PLXNB3: variants seen among roughly 807,000 people sequenced by gnomAD.
PLXNB3 encodes the protein plexin B3.
PLXNB3 carries 80 observed loss-of-function variants against 125.7 expected under a neutral mutation model. The ratio of observed to expected loss-of-function variants is 0.64; its 90% CI spans 0.53 to 0.77. PLXNB3 has a LOEUF of 0.77. Ranked by LOEUF, PLXNB3 falls within the 30% of genes least tolerant of loss-of-function variation. The pLI, the probability that PLXNB3 is intolerant of heterozygous loss-of-function variation, is 0.00. For missense variants in PLXNB3, 1,836 were observed against 1,729.3 expected, an observed-to-expected ratio of 1.06 and a Z score of -1.09; for synonymous variants, 954 against 783.3, an observed-to-expected ratio of 1.22 and a Z score of -3.64.
At chrX:153,764,387 G>A (rs2091834932) in intron 1 of PLXNB3, 83 bp downstream of exon 1, 2 of 113,113 alleles carry the variant, frequency 1.8e-5, no homozygotes, top group African/African-American at 3.2e-5. Flanking sequence ...AGGGTCTCAG[G>A]GCCAACTGGC....
At position 153,767,553 on chromosome X, in the gene PLXNB3, C is replaced by A; in HGVS notation, c.726C>A (p.Arg242=). Residue 242 remains arginine, a synonymous_variant, in exon 3 of 36, where the codon CGC becomes CGA. Transcript: ENST00000361971. ...NSYVGAFADA[R]SAYFVFRRRG... is the part of the protein sequence containing the mutation. ...ACGTCGGGGCCTTTGCCGACGCCCG[C>A]TCCGCCTACTTCGTGTTCCGCCGCC... The A allele has an allele frequency of 8.5e-7, 1 of 1,175,387 alleles. No homozygotes were observed. The highest frequency in any genetic ancestry group is 1.1e-6 in the Non-Finnish European group (1 of 877,531).
At chrX:153,772,342 G>T in intron 16 of PLXNB3, 55 bp downstream of exon 16, 1 of 895,024 alleles carries the variant, frequency 1.1e-6, no homozygotes, top group Non-Finnish European at 1.6e-6. Context: ...GGAGGGCCAG[G>T]AAGGACAGGC....
chrX:153,766,849 G>A (rs1168833115), intron 2 of PLXNB3, 24 bp from the exon 3 acceptor site: 18 of 1,168,070 alleles, frequency 1.5e-5, no homozygotes, highest in Non-Finnish European at 1.9e-5. Flanking sequence ...CGCTCCCACT[G>A]CCCTGACCTG....
rs2091929718 is a variant in PLXNB3 at position 153,771,490 on chromosome X, C to A, written c.2352C>A (p.Ile784=). Residue 784 remains isoleucine, a synonymous_variant, in exon 14 of 36, where the codon ATC becomes ATA. Transcript: ENST00000361971. ...RLDNTHALYV[I]LYDCAMGHPD... is the part of the protein sequence containing the mutation. ...ACACTGCCTGACCCTCCCTAGTGAT[C>A]CTGTACGACTGCGCCATGGGCCACC... 6.6e-6 allele frequency: 8 copies of A among 1,204,680 alleles called. No individual in the cohort carries two copies. The highest frequency in any genetic ancestry group is 9.0e-6 in the Non-Finnish European group (8 of 891,277).
Position 153,772,985 on chromosome X carries a change from A to G in PLXNB3, c.2875A>G (p.Ser959Gly). 8.4e-7 allele frequency: 1 copy of G among 1,196,951 alleles called. No homozygotes were observed. Among genetic ancestry groups the G allele is most frequent in the Non-Finnish European group, 1.1e-6 (1 of 889,736 alleles). Residue 959 changes from serine to glycine, a missense_variant, in exon 17 of 36, where the codon AGT (serine) becomes GGT (glycine). Physicochemically the swap from Ser to Gly is moderately conservative, Grantham distance 56. Coordinates refer to ENST00000361971, the MANE Select transcript of PLXNB3 (RefSeq NM_005393.3). ...GQHLQTGGNT[S>G]AFVGGQPCPI... ...GCACCTCCAGACAGGTGGCAACACCAGTGCCTTCGTGGGTGGCCAACCCTG... is the reference window on the plus strand; with the variant it reads ...GCACCTCCAGACAGGTGGCAACACCGGTGCCTTCGTGGGTGGCCAACCCTG...
Position 153,768,872 on chromosome X carries a change from C to A in PLXNB3, c.1267-76C>A. ...AACTGGCTCTAAAAAGGAGCCCCCA[C>A]TAGGAGGAGGGCGTGTCCCTGGAAC... On this transcript the variant is annotated intron_variant, in intron 4 of 35. Coordinates refer to ENST00000361971, the MANE Select transcript of PLXNB3 (RefSeq NM_005393.3). The A allele has an allele frequency of 2.7e-6, 3 of 1,116,168 alleles. No homozygotes were observed. The South Asian group carries it at 6.2e-5, about 23-fold the overall frequency. The allele number at this position is 1,116,168 out of a possible 1,213,427, so 92.0% of individuals were successfully genotyped here.
rs1365303923 is a variant in PLXNB3, at chrX:153,768,251, T to A, written c.1089T>A (p.Asp363Glu). 1.7e-6 allele frequency: 2 copies of A among 1,181,516 alleles called. No homozygotes were observed. The highest frequency in any genetic ancestry group is 2.3e-6 in the Non-Finnish European group (2 of 875,272). The change falls in exon 4 of 36, where the codon GAT (aspartate) becomes GAA (glutamate). Residue 363 changes from aspartate to glutamate, a missense_variant and splice_region_variant. Physicochemically the swap from Asp to Glu is conservative, Grantham distance 45. Coordinates refer to ENST00000361971, the MANE Select transcript of PLXNB3 (RefSeq NM_005393.3). ...ATTCTCCACTTCCTGCCACGTAGGA[T>A]TCCCCCGAGTCGTACCCCTGTGGCG... The part of the protein sequence containing the change: ...VTSRCVTLPL[D>E]SPESYPCGDE...
At chrX:153,771,813 A>G (rs782058923) in intron 14 of PLXNB3, 51 bp from the exon 15 acceptor site, 6 of 1,178,460 alleles carry the variant, frequency 5.1e-6, no homozygotes, top group Non-Finnish European at 6.8e-6. Flanking sequence ...AGCACTGCAG[A>G]GTGGAGCGTG....
chrX:153,769,391 A>G, intron 6 of PLXNB3, 129 bp downstream of exon 6: 1 of 512,547 alleles, frequency 2.0e-6, no homozygotes, highest in Non-Finnish European at 3.2e-6. Flanking sequence ...GCCACCACGG[A>G]GGTCACCCAT....
In PLXNB3 at chrX:153,777,541, A is replaced by G. The variant is rs372812213; in HGVS notation, c.5114A>G (p.Lys1705Arg). The change falls in exon 31 of 36, where the codon AAG becomes AGG. Residue 1705 changes from lysine (K) to arginine (R), a missense_variant. Lys to Arg is a conservative substitution (Grantham distance 26). Coordinates refer to ENST00000361971, the MANE Select transcript of PLXNB3 (RefSeq NM_005393.3). ...RLLSMKGTLQ[K>R]FVDDTFQAIL... ...CCTGCCTCGCAGGGCACGCTGCAGA[A>G]GTTTGTGGACGACACCTTCCAGGCC... The G allele has an allele frequency of 1.8e-5, 22 of 1,210,365 alleles. No homozygotes were observed. The highest frequency in any genetic ancestry group is 1.0e-5 in the Non-Finnish European group (9 of 895,190).
chrX:153,775,386 C>T lies in PLXNB3; in HGVS notation c.4317C>T (p.Pro1439=), dbSNP rs2091974388. ...CGGCCCATTACGTGCACAGGAACCCCAAGCTCATGCTACGCAGGTTGGCCT... is the reference window on the plus strand; with the variant it reads ...CGGCCCATTACGTGCACAGGAACCCTAAGCTCATGCTACGCAGGTTGGCCT... ...DLAAHYVHRN[P]KLMLRRTETM... Residue 1439 remains proline (P), a synonymous_variant, in exon 25 of 36, where the codon CCC becomes CCT. Transcript: ENST00000361971. The T allele has an allele frequency of 8.3e-7, 1 of 1,205,856 alleles. No homozygotes were observed. The highest frequency in any genetic ancestry group is 1.8e-5 in the South Asian group (1 of 55,913).
In PLXNB3 at chrX:153,767,920, G is replaced by A; in HGVS notation, c.1086+7G>A. ...CTGCGTCACCCTGCCCCTTGTGAGT[G>A]GCATGCCCTTCCATCCCCCCTCTCT... is the stretch of plus-strand genomic sequence containing the variant. On this transcript the variant is annotated splice_region_variant and intron_variant, in intron 3 of 35. Transcript: ENST00000361971. 9.2e-7 allele frequency: 1 copy of A among 1,087,056 alleles called. No individual in the cohort carries two copies. Among genetic ancestry groups the A allele is most frequent in the South Asian group, 2.3e-5 (1 of 43,181 alleles). The allele number at this position is 1,087,056 out of a possible 1,213,427, so 89.6% of individuals were successfully genotyped here.
intron 6 of PLXNB3, 135 bp downstream of exon 6, chrX:153,769,397 C>T: frequency 2.1e-6 from 1 of 483,571 alleles, no homozygotes; most frequent in Non-Finnish European, 3.5e-6. Flanking sequence ...ACGGAGGTCA[C>T]CCATCCTGCC....
intron 17 of PLXNB3, 58 bp downstream of exon 17, chrX:153,773,074 G>C (rs782817054): frequency 1.8e-6 from 2 of 1,111,367 alleles, no homozygotes; most frequent in East Asian, 6.2e-5. Flanking sequence ...CTCAGTGGGG[G>C]TGGTACATTT....
chrX:153,766,048 C>T, intron 2 of PLXNB3: 2 of 1,052,500 alleles, frequency 1.9e-6, no homozygotes, highest in Non-Finnish European at 2.4e-6. Context: ...CACTGAGGCC[C>T]CCTGTGCCAG....
rs782011127 is a variant in PLXNB3, at chrX:153,775,802, C to T, written c.4402-85C>T. On this transcript the variant is annotated intron_variant, in intron 26 of 35. Transcript: ENST00000361971. ...AAAGGGAAGGACTTTGAACCCTCTC[C>T]GGGGCTGGAGACGAGGCAGAGGCGA... The T allele has an allele frequency of 3.8e-5, 42 of 1,112,357 alleles. No homozygotes were observed. The African/African-American group carries it at 4.3e-4, about 11-fold the overall frequency. 91.7% of individuals were successfully genotyped at this position (1,112,357 alleles called of 1,213,427 possible).
chrX:153,776,700 CT>C (rs1179843615), intron 28 of PLXNB3, among the ~76,000 whole-genome samples, 186 bp from the exon 29 acceptor site: 3 of 10,690 alleles, frequency 2.8e-4, no homozygotes, highest in Admixed American at 1.6e-3. Context: ...CAGGGCGGGG[CT>C]GGGGCGGGGA....
At chrX:153,772,104 G>A in intron 15 of PLXNB3, 78 bp from the exon 16 acceptor site, 1 of 906,630 alleles carries the variant, frequency 1.1e-6, no homozygotes, top group African/African-American at 3.2e-5. Context: ...AGAAACCTGG[G>A]GCACTCGGGT....
intron 16 of PLXNB3, 161 bp from the exon 17 acceptor site, chrX:153,772,725 G>A: frequency 5.8e-6 from 6 of 1,038,761 alleles, no homozygotes; most frequent in Non-Finnish European, 7.3e-6. Flanking sequence ...GCTGGCCAGT[G>A]TGCAGTGGCC....
Sources: gnomAD v4.1 joint callset for allele counts (sites outside exome capture counted in the v4.1 genomes callset) on GRCh38, gnomAD v4.1.1 for gene constraint, MANE v1.5 for transcripts, NCBI Gene and HGNC (gene_info 2026-07-23, HGNC 2026-07-21) for gene names.